Variants in GRAMD1B observed in about 807,000 individuals in gnomAD.
The protein encoded by GRAMD1B is protein Aster-B.
GRAMD1B carries 37 observed loss-of-function variants against 99.7 expected under a neutral mutation model. That is an observed-to-expected ratio of 0.37 (90% CI 0.29 to 0.49). The LOEUF is 0.49. Among genes scored for constraint, GRAMD1B ranks in the 20% least tolerant of loss-of-function variants. The probability of loss-of-function intolerance (pLI) is 0.98; values close to 1 mark genes in which losing one functional copy is unlikely to be tolerated. For missense variants in GRAMD1B, 888 were observed against 1,009.2 expected, an observed-to-expected ratio of 0.88 and a Z score of 1.63; for synonymous variants, 427 against 387.6, an observed-to-expected ratio of 1.10 and a Z score of -1.19.
intron 1 of GRAMD1B, among the ~76,000 whole-genome samples, chr11:123,437,725 T>C (rs1949225818): frequency 6.6e-6 from 1 of 152,254 alleles, no homozygotes; most frequent in South Asian, 2.1e-4. Context: ...ATCTCTCTGG[T>C]GCCAGCCTAG....
At chr11:123,556,847 T>C (rs1157159658) in intron 2 of GRAMD1B, among the ~76,000 whole-genome samples, 1 of 152,100 alleles carries the variant, frequency 6.6e-6, no homozygotes, top group Non-Finnish European at 1.5e-5. Context: ...CACCCCAGAG[T>C]TTGTGCTGTC....
intron 2 of GRAMD1B, among the ~76,000 whole-genome samples, chr11:123,549,337 G>A (rs752750185): frequency 2.0e-5 from 3 of 152,148 alleles, no homozygotes; most frequent in Non-Finnish European, 4.4e-5. Flanking sequence ...GAGGTCAGGA[G>A]ATCGAAACCA....
chr11:123,580,318 C>T lies in GRAMD1B; in HGVS notation c.663+2741C>T, dbSNP rs772576823. On this transcript the variant is annotated intron_variant, in intron 3 of 19. Coordinates refer to ENST00000635736, the MANE Select transcript of GRAMD1B (RefSeq NM_001387025.1). ...CGGCAAAAAGAGGAGGTTCTGGTAG[C>T]GGGATGGGGACATGCCCCTCCCCGT... Among the ~76,000 whole-genome samples the T allele has an allele frequency of 2.8e-4, 42 of 152,252 alleles. 1 individual carries two copies. The highest frequency in any genetic ancestry group is 4.0e-4 in the Non-Finnish European group (27 of 68,010).
At chr11:123,562,023 A>G (rs922108021) in intron 2 of GRAMD1B, among the ~76,000 whole-genome samples, 5 of 152,162 alleles carry the variant, frequency 3.3e-5, no homozygotes, top group African/African-American at 1.2e-4. Flanking sequence ...ACTTGTGGAA[A>G]GAATGAAGGA....
chr11:123,423,145 A>G (rs1437600899), intron 1 of GRAMD1B, among the ~76,000 whole-genome samples: 5 of 152,102 alleles, frequency 3.3e-5, no homozygotes, highest in Admixed American at 3.3e-4. Context: ...ACGAAGCTCC[A>G]ATTTTCTTAG....
At chr11:123,359,194 A>C (rs866614677) in intron 1 of GRAMD1B, among the ~76,000 whole-genome samples, 15 of 152,208 alleles carry the variant, frequency 9.9e-5, no homozygotes, top group Admixed American at 9.1e-4. Context: ...TCTTGCTGGC[A>C]AAAGTTTGAA....
chr11:123,577,312 C>G, intron 2 of GRAMD1B, 55 bp from the exon 3 acceptor site: 3 of 1,409,818 alleles, frequency 2.1e-6, no homozygotes, highest in Non-Finnish European at 2.9e-6. Context: ...TGACTGCCTG[C>G]CTTTCCTCCT....
chr11:123,607,038 A>G (rs891041282), intron 11 of GRAMD1B, among the ~76,000 whole-genome samples: 6 of 152,038 alleles, frequency 3.9e-5, no homozygotes, highest in South Asian at 2.1e-4. Context: ...TGTTCCCCCT[A>G]TTGACATTGG....
chr11:123,598,079 G>A (rs2136652739), intron 7 of GRAMD1B: 9 of 1,556,964 alleles, frequency 5.8e-6, no homozygotes, highest in Non-Finnish European at 8.0e-6. Context: ...GGCCCACAAG[G>A]AGACAGCATC....
At chr11:123,622,471 G>C in intron 19 of GRAMD1B, 35 bp from the exon 20 acceptor site, 1 of 1,319,202 alleles carries the variant, frequency 7.6e-7, no homozygotes, top group Non-Finnish European at 1.1e-6. Flanking sequence ...TAAAAGCGCA[G>C]ACCCAGGCCT....
intron 10 of GRAMD1B, among the ~76,000 whole-genome samples, chr11:123,606,290 GGCAGGCTGACCTTGTT>G (rs1474754772): frequency 6.6e-6 from 1 of 152,260 alleles, no homozygotes; most frequent in East Asian, 1.9e-4. Context: ...ACTACCTGGA[GGCAGGCTGACCTTGTT>G]GCAGGATGGT....
intron 1 of GRAMD1B, among the ~76,000 whole-genome samples, chr11:123,367,085 C>T (rs749729547): frequency 5.9e-5 from 9 of 152,106 alleles, no homozygotes; most frequent in African/African-American, 1.9e-4. Context: ...CGTCTGTAGT[C>T]GTAGCTACTT....
At chr11:123,539,967 A>G (rs1321022182) in intron 2 of GRAMD1B, among the ~76,000 whole-genome samples, 1 of 152,230 alleles carries the variant, frequency 6.6e-6, no homozygotes, top group Non-Finnish European at 1.5e-5. Context: ...TTCTCTGAGC[A>G]CTATGGATTC....
intron 2 of GRAMD1B, among the ~76,000 whole-genome samples, chr11:123,569,750 G>C (rs180926944): frequency 1.1e-4 from 16 of 152,350 alleles, no homozygotes; most frequent in African/African-American, 3.6e-4. Context: ...TTTGGAATCA[G>C]CATGAGGATA....
intron 1 of GRAMD1B, among the ~76,000 whole-genome samples, chr11:123,437,536 A>G (rs1453346815): frequency 1.3e-5 from 2 of 152,124 alleles, no homozygotes; most frequent in African/African-American, 4.8e-5. Context: ...CTTTTGTACC[A>G]TCTTTCACCT....
chr11:123,484,461 A>G (rs1951776672), intron 2 of GRAMD1B, among the ~76,000 whole-genome samples: 1 of 152,108 alleles, frequency 6.6e-6, no homozygotes. Context: ...AAATGTTACA[A>G]AGGTTCTCCC....
rs1029230378 is a variant in GRAMD1B, at chr11:123,510,231, G to A, written c.452+29338G>A. Among the ~76,000 whole-genome samples the A allele has an allele frequency of 2.0e-5, 3 of 152,004 alleles. No individual in the cohort carries two copies. The highest frequency in any genetic ancestry group is 7.2e-5 in the African/African-American group (3 of 41,404). On this transcript the variant is annotated intron_variant, in intron 2 of 19. Transcript: ENST00000635736. This position sits in a 1 kb window ranked among gnomAD's most constrained non-coding sequence, Gnocchi z 4.3. The stretch of plus-strand genomic sequence containing the variant: ...GACCTTCTCCCTTCCTGCTCCCCCC[G>A]GCTCTTGCTCATTACCTGCCAGCTG...
rs1479489679 is a variant in GRAMD1B, at chr11:123,608,750, C to T, written c.1605C>T (p.Leu535=). 5 of 1,552,868 alleles carry T rather than the reference C, an allele frequency of 3.2e-6. No individual in the cohort carries two copies. The South Asian group carries it at 5.9e-5, about 18-fold the overall frequency. ...NFSVDKLYDL[L]FTNSPFQRDF... is the part of the protein sequence containing the mutation. ...GCGTGGACAAGCTCTATGACCTCCTCTTCACCAACTCGCCCTTCCAGCGGG... is the reference window on the plus strand; with the variant it reads ...GCGTGGACAAGCTCTATGACCTCCTTTTCACCAACTCGCCCTTCCAGCGGG... The change falls in exon 12 of 20, where the codon CTC becomes CTT. Residue 535 remains leucine (L), a synonymous_variant. Coordinates refer to ENST00000635736, the MANE Select transcript of GRAMD1B (RefSeq NM_001387025.1).
chr11:123,594,312 C>A, intron 5 of GRAMD1B, 146 bp downstream of exon 5: 1 of 659,352 alleles, frequency 1.5e-6, no homozygotes, highest in Non-Finnish European at 2.8e-6. Flanking sequence ...CTGGCCCCAG[C>A]TGTCAGGGCT....
Sources: allele counts gnomAD v4.1 joint callset (sites outside exome capture counted in the v4.1 genomes callset), GRCh38; gene constraint gnomAD v4.1.1; non-coding constraint Gnocchi (gnomAD v3.1); transcripts MANE v1.5; gene names NCBI Gene and HGNC (gene_info 2026-07-23, HGNC 2026-07-21).